The following ANTXR2 variants were observed in gnomAD, a reference collection of about 807,000 sequenced individuals.
The protein encoded by ANTXR2 is anthrax toxin receptor 2.
In ANTXR2, 44 loss-of-function variants were observed where a neutral mutation model predicts 73.7. That is an observed-to-expected ratio of 0.60 (90% CI 0.47 to 0.77). The LOEUF is 0.77. Ranked by LOEUF, ANTXR2 falls within the 30% of genes least tolerant of loss-of-function variation. The probability of loss-of-function intolerance (pLI) is 0.00; values close to 1 mark genes in which losing one functional copy is unlikely to be tolerated. For missense variants in ANTXR2, 604 were observed against 592.5 expected (o/e 1.02, Z -0.20); for synonymous variants, 217 against 205.9 (o/e 1.05, Z -0.46).
chr4:79,918,720 G>A (rs965435343), intron 16 of ANTXR2, among the ~76,000 whole-genome samples: 2 of 151,904 alleles, frequency 1.3e-5, no homozygotes, highest in African/African-American at 2.4e-5. Flanking sequence ...AAGACACTGG[G>A]GATGGAAGCT....
intron 2 of ANTXR2, among the ~76,000 whole-genome samples, chr4:80,069,967 T>C (rs951430856): frequency 4.6e-5 from 7 of 152,246 alleles, no homozygotes; most frequent in Non-Finnish European, 1.0e-4. Context: ...GAAGTAAGAC[T>C]ACTTAAAGAG....
intron 12 of ANTXR2, among the ~76,000 whole-genome samples, chr4:79,989,654 A>G (rs1320399141): frequency 2.0e-5 from 3 of 152,030 alleles, no homozygotes; most frequent in African/African-American, 7.2e-5. Context: ...CATTCTGATA[A>G]CAAAAGCTGT....
chr4:79,947,021 A>G (rs1442616954), intron 16 of ANTXR2, among the ~76,000 whole-genome samples: 1 of 152,136 alleles, frequency 6.6e-6, no homozygotes, highest in African/African-American at 2.4e-5. Flanking sequence ...TGTTTAAGCT[A>G]CCTGCTTCTT....
intron 16 of ANTXR2, among the ~76,000 whole-genome samples, chr4:79,910,122 T>C (rs950488323): frequency 2.0e-5 from 3 of 152,188 alleles, no homozygotes; most frequent in Non-Finnish European, 4.4e-5. Context: ...GACTAAAAAA[T>C]GGGCCTATTC....
At chr4:80,009,645 G>A (rs1194897974) in intron 11 of ANTXR2, among the ~76,000 whole-genome samples, 6 of 152,116 alleles carry the variant, frequency 3.9e-5, no homozygotes, top group African/African-American at 1.2e-4. Context: ...TCAGGAGTAT[G>A]AGACCAGCCT....
chr4:79,977,687 A>G lies in ANTXR2; in HGVS notation c.1362T>C (p.Ala454=). Residue 454 remains alanine (A), a synonymous_variant, in exon 16 of 17, where the codon GCT becomes GCC. Transcript: ENST00000403729. The part of the protein sequence containing the change: ...WYTPIKGRLD[A]LWALLRRQYD... ...ACTGCCGCCTCAACAAAGCCCAGAG[A>G]GCATCAAGACGACCCTAAGGGAAAA... 6.3e-7 allele frequency: 1 copy of G among 1,578,672 alleles called. No homozygotes were observed. Among genetic ancestry groups the G allele is most frequent in the Non-Finnish European group, 8.6e-7 (1 of 1,161,340 alleles).
chr4:79,918,864 CAT>C (rs1307559301), intron 16 of ANTXR2, among the ~76,000 whole-genome samples: 2 of 151,922 alleles, frequency 1.3e-5, no homozygotes, highest in Non-Finnish European at 2.9e-5. Flanking sequence ...GAATTCATAA[CAT>C]ATGTAGTAGT....
intron 12 of ANTXR2, among the ~76,000 whole-genome samples, chr4:80,003,855 TTTCCC>T (rs1731175053): frequency 6.6e-6 from 1 of 152,120 alleles, no homozygotes; most frequent in African/African-American, 2.4e-5. Flanking sequence ...AGTTTGGCAG[TTTCCC>T]ATAAAACTAG....
At chr4:80,006,329 A>G (rs550940847) in intron 12 of ANTXR2, among the ~76,000 whole-genome samples, 1 of 152,122 alleles carries the variant, frequency 6.6e-6, no homozygotes, top group South Asian at 2.1e-4. Context: ...GATAATCAAT[A>G]TTAGCCAAGG....
At chr4:79,997,272 A>G (rs1323754973) in intron 12 of ANTXR2, among the ~76,000 whole-genome samples, 1 of 151,860 alleles carries the variant, frequency 6.6e-6, no homozygotes, top group Non-Finnish European at 1.5e-5. Flanking sequence ...TAAAAAAAAA[A>G]GATATTGTAC....
Position 80,055,205 on chromosome 4 carries a change from C to T in ANTXR2, c.500G>A (p.Arg167Lys). ...ACAATAAACACTAGCCCCAAGTGAC[C>T]TGGATATCTTTGCCTATGGAGAATG... Reference protein sequence around the residue: ...SYAEKEAKISRSLGASVYCVG... With the variant: ...SYAEKEAKISKSLGASVYCVG... The change falls in exon 6 of 17, where the codon AGG (arginine) becomes AAG (lysine). Residue 167 changes from arginine (R) to lysine (K), a missense_variant. Transcript: ENST00000403729. 6.4e-7 allele frequency: 1 copy of T among 1,569,112 alleles called. No individual in the cohort carries two copies. The highest frequency in any genetic ancestry group is 2.3e-5 in the East Asian group (1 of 42,874).
At chr4:80,048,371 G>A (rs551309300) in intron 7 of ANTXR2, among the ~76,000 whole-genome samples, 9 of 151,312 alleles carry the variant, frequency 5.9e-5, no homozygotes, top group African/African-American at 1.7e-4. Flanking sequence ...TACATTCAGC[G>A]CTAATGATCC....
At chr4:79,922,367 CAATTTTGTCCTT>C (rs1410678275) in intron 16 of ANTXR2, among the ~76,000 whole-genome samples, 1 of 152,020 alleles carries the variant, frequency 6.6e-6, no homozygotes, top group African/African-American at 2.4e-5. Context: ...AAACACACAT[CAATTTTGTCCTT>C]AATGAATGCA....
chr4:80,026,446 G>A (rs562669346), intron 10 of ANTXR2, among the ~76,000 whole-genome samples: 2 of 151,944 alleles, frequency 1.3e-5, no homozygotes, highest in Non-Finnish European at 1.5e-5. Flanking sequence ...GTGTGAGAAC[G>A]GACTAATACA....
chr4:80,071,608 G>A lies in ANTXR2; in HGVS notation c.199C>T (p.Gln67Ter). 6.2e-7 allele frequency: 1 copy of A among 1,613,162 alleles called. No individual in the cohort carries two copies. Among genetic ancestry groups the A allele is most frequent in the Non-Finnish European group, 8.5e-7 (1 of 1,179,218 alleles). ...NNWIEIYNFV[Q>*]QLAERFVSPE... is the part of the protein sequence containing the mutation. ...CTCACAAATCTCTCCGCAAGTTGCT[G>A]TACGAAATTATAAATTTCAATCCAG... Residue 67 changes from glutamine to a stop codon, truncating the protein, a stop_gained, in exon 2 of 17, where the codon CAG (glutamine) becomes TAG (stop). Transcript: ENST00000403729. LOFTEE classifies it high-confidence loss of function.
chr4:79,964,600 A>ATTAGATC (rs1339399311), intron 16 of ANTXR2: 1 of 152,246 alleles, frequency 6.6e-6, no homozygotes, highest in Non-Finnish European at 1.5e-5. Context: ...GTCAAACTAC[A>ATTAGATC]TTAGATCTCT....
At chr4:79,962,545 T>A (rs1006574190) in intron 16 of ANTXR2, among the ~76,000 whole-genome samples, 1 of 152,128 alleles carries the variant, frequency 6.6e-6, no homozygotes, top group Non-Finnish European at 1.5e-5. Context: ...AGAATCGCCC[T>A]AAAGAAACTA....
intron 3 of ANTXR2, among the ~76,000 whole-genome samples, chr4:80,057,849 T>C (rs1560427660): frequency 6.6e-6 from 1 of 152,042 alleles, no homozygotes; most frequent in African/African-American, 2.4e-5. Flanking sequence ...TCTGTACTTA[T>C]TATAATGTCA....
At chr4:80,031,779 A>G in intron 9 of ANTXR2, 87 bp from the exon 10 acceptor site, 2 of 737,710 alleles carry the variant, frequency 2.7e-6, no homozygotes, top group Non-Finnish European at 4.0e-6. Context: ...TGCTTCAATC[A>G]GAGTTCAAAT....
Sources: gnomAD v4.1 joint callset for allele counts (sites outside exome capture counted in the v4.1 genomes callset) on GRCh38, gnomAD v4.1.1 for gene constraint, MANE v1.5 for transcripts, NCBI Gene and HGNC (gene_info 2026-07-23, HGNC 2026-07-21) for gene names.